The following ADAMTS13 variants were observed in gnomAD, a reference collection of about 807,000 sequenced individuals.
ADAMTS13 encodes A disintegrin and metalloproteinase with thrombospondin motifs 13.
A neutral mutation model predicts 155.1 loss-of-function variants in ADAMTS13; 110 were observed. That is an observed-to-expected ratio of 0.71 (90% CI 0.61 to 0.83). The LOEUF is 0.83. ADAMTS13 is among the 40% of genes least tolerant of loss of function. The pLI is 0.00. For missense variants in ADAMTS13, 1,707 were observed against 1,891.7 expected, an observed-to-expected ratio of 0.90 and a Z score of 1.81; for synonymous variants, 758 against 756.4, an observed-to-expected ratio of 1.00 and a Z score of -0.03.
chr9:133,437,667 C>G, intron 12 of ADAMTS13, 82 bp from the exon 13 acceptor site: 3 of 1,563,368 alleles, frequency 1.9e-6, no homozygotes, highest in Non-Finnish European at 2.6e-6. Flanking sequence ...GCCCCAGATG[C>G]AAAGGATGAA....
rs781993871 is a variant in ADAMTS13 at position 133,433,697 on chromosome 9, A to G, written c.1301A>G (p.Asn434Ser). Residue 434 changes from asparagine (N) to serine (S), a missense_variant, in exon 11 of 29, where the codon AAC becomes AGC. Coordinates refer to ENST00000355699, the MANE Select transcript of ADAMTS13 (RefSeq NM_139027.6). ...GCTGACCTCCAGGCCGAGATGTGCAACACTCAGGTAGGCCTGCTTCCTGGG... is the reference window on the plus strand; with the variant it reads ...GCTGACCTCCAGGCCGAGATGTGCAGCACTCAGGTAGGCCTGCTTCCTGGG... ...VGADLQAEMC[N>S]TQACEKTQLE... 2 of 1,613,314 alleles carry G rather than the reference A, an allele frequency of 1.2e-6. No homozygotes were observed. Among genetic ancestry groups the G allele is most frequent in the Admixed American group, 1.7e-5 (1 of 60,000 alleles).
intron 9 of ADAMTS13, 93 bp from the exon 10 acceptor site, chr9:133,433,285 T>C (rs1840910510): frequency 1.3e-6 from 2 of 1,551,904 alleles, no homozygotes; most frequent in African/African-American, 2.7e-5. Flanking sequence ...GTGTTGGGGA[T>C]CCCTGAGGAT....
At position 133,436,822 on chromosome 9, in the gene ADAMTS13, T is replaced by C. The variant is rs782393947; in HGVS notation, c.1309-7T>C. On this transcript the variant is annotated splice_polypyrimidine_tract_variant and splice_region_variant and intron_variant, in intron 11 of 28. Coordinates refer to ENST00000355699, the MANE Select transcript of ADAMTS13 (RefSeq NM_139027.6). ...GCCATCCCCCTCCTCTGCCTCCTCC[T>C]GGCCAGGCCTGCGAGAAGACCCAGC... 3 of 1,323,618 alleles carry C rather than the reference T, an allele frequency of 2.3e-6. No individual in the cohort carries two copies. The highest frequency in any genetic ancestry group is 2.3e-5 in the Admixed American group (1 of 42,644). The allele number at this position is 1,323,618 out of a possible 1,614,324, so 82.0% of individuals were successfully genotyped here.
chr9:133,448,241 G>T (rs1842202278), intron 21 of ADAMTS13, among the ~76,000 whole-genome samples: 1 of 152,124 alleles, frequency 6.6e-6, no homozygotes. Flanking sequence ...GCCGCCCAAA[G>T]TGCTGTGATT....
chr9:133,424,615 C>T lies in ADAMTS13; in HGVS notation c.330+137C>T. ...TGGCTCGGGGTTCTTCCTCTTCTCCCTCCCTCCCCTGGGTGGAGGTGGGTG... is the reference window on the plus strand; with the variant it reads ...TGGCTCGGGGTTCTTCCTCTTCTCCTTCCCTCCCCTGGGTGGAGGTGGGTG... On this transcript the variant is annotated intron_variant, in intron 3 of 28. Coordinates refer to ENST00000355699, the MANE Select transcript of ADAMTS13 (RefSeq NM_139027.6). The surrounding 1 kb of genome is among the most constrained non-coding windows in gnomAD (Gnocchi z 4.3). 7.5e-7 allele frequency: 1 copy of T among 1,326,030 alleles called. No individual in the cohort carries two copies. Among genetic ancestry groups the T allele is most frequent in the South Asian group, 1.3e-5 (1 of 76,752 alleles). The allele number at this position is 1,326,030 out of a possible 1,614,324, so 82.1% of individuals were successfully genotyped here.
At position 133,425,532 on chromosome 9, in the gene ADAMTS13, G is replaced by A. The variant is rs782188741; in HGVS notation, c.334G>A (p.Ala112Thr). The A allele has an allele frequency of 1.9e-6, 3 of 1,613,008 alleles. No individual in the cohort carries two copies. The highest frequency in any genetic ancestry group is 2.2e-5 in the East Asian group (1 of 44,854). Reference protein sequence around the residue: ...RYVLTNLNIGAELLRDPSLGA... With the variant: ...RYVLTNLNIGTELLRDPSLGA... ...TCTCTCATCTGCCCTTGCACAGGGG[G>A]CAGAACTGCTTCGGGACCCGTCCCT... Residue 112 changes from alanine (A) to threonine (T), a missense_variant, in exon 4 of 29, where the codon GCA (alanine) becomes ACA (threonine). Transcript: ENST00000355699. The surrounding 1 kb of genome is among the most constrained non-coding windows in gnomAD (Gnocchi z 4.6).
intron 8 of ADAMTS13, chr9:133,430,325 G>A (rs1840657867): frequency 1.4e-6 from 1 of 692,256 alleles, no homozygotes; most frequent in South Asian, 1.6e-5. Flanking sequence ...CACAAATTAT[G>A]TAGCTAGTCC....
Position 133,424,411 on chromosome 9 carries a change from T to C in ADAMTS13, c.263T>C (p.Val88Ala). 1.9e-6 allele frequency: 3 copies of C among 1,613,724 alleles called. No individual in the cohort carries two copies. Among genetic ancestry groups the C allele is most frequent in the Non-Finnish European group, 2.5e-6 (3 of 1,179,984 alleles). The stretch of plus-strand genomic sequence containing the variant: ...CTACACCTGGAGCTGCTGGTGGCCG[T>C]GGGCCCCGATGTCTTCCAGGCTCAC... ...GILHLELLVA[V>A]GPDVFQAHQE... Residue 88 changes from valine (V) to alanine (A), a missense_variant, in exon 3 of 29, where the codon GTG becomes GCG. Val to Ala is a moderately conservative substitution (Grantham distance 64). This residue lies in a region of ADAMTS13 where 733 missense variants were observed against 749.6 expected (regional missense o/e 0.98). Transcript: ENST00000355699. The surrounding 1 kb of genome is among the most constrained non-coding windows in gnomAD (Gnocchi z 4.3).
chr9:133,446,817 T>C (rs1385683864), intron 21 of ADAMTS13, among the ~76,000 whole-genome samples: 1 of 152,240 alleles, frequency 6.6e-6, no homozygotes, highest in Non-Finnish European at 1.5e-5. Flanking sequence ...TCCAATGTCC[T>C]CCCATCCTTG....
At chr9:133,455,708 G>A in intron 25 of ADAMTS13, 2 of 1,443,742 alleles carry the variant, frequency 1.4e-6, no homozygotes. Flanking sequence ...CCTGGGTTGT[G>A]TGCCTGGGAG....
chr9:133,428,847 G>C, intron 7 of ADAMTS13, 76 bp downstream of exon 7: 3 of 1,194,390 alleles, frequency 2.5e-6, no homozygotes, highest in Non-Finnish European at 3.1e-6. Context: ...CTCTCTCTAC[G>C]TCCGTCCCCA....
chr9:133,455,267 C>T lies in ADAMTS13; in HGVS notation c.3250-18C>T. The stretch of plus-strand genomic sequence containing the variant: ...TCTGGCAGGGTCAGCTGTGACTCCT[C>T]CTCCCCTCTCTTGGCAGTGCTCTGT... On this transcript the variant is annotated intron_variant, in intron 24 of 28. Coordinates refer to ENST00000355699, the MANE Select transcript of ADAMTS13 (RefSeq NM_139027.6). The T allele has an allele frequency of 6.2e-7, 1 of 1,600,344 alleles. No homozygotes were observed. The highest frequency in any genetic ancestry group is 1.6e-4 in the Middle Eastern group (1 of 6,062).
intron 19 of ADAMTS13, 150 bp from the exon 20 acceptor site, chr9:133,444,713 G>A: frequency 7.9e-6 from 6 of 758,202 alleles, no homozygotes; most frequent in Non-Finnish European, 1.3e-5. Flanking sequence ...TTCAGGGAGA[G>A]ACCCTGAGCT....
At chr9:133,442,255 G>A in intron 16 of ADAMTS13, 144 bp from the exon 17 acceptor site, 1 of 1,308,940 alleles carries the variant, frequency 7.6e-7, no homozygotes, top group Non-Finnish European at 1.1e-6. Context: ...ACAGGCATGA[G>A]CTACCGTGCC....
chr9:133,426,484 G>C, intron 6 of ADAMTS13, 139 bp downstream of exon 6: 1 of 1,211,706 alleles, frequency 8.3e-7, no homozygotes, highest in Non-Finnish European at 1.2e-6. Context: ...GACAGACTCA[G>C]GTGTGAGGAC....
In ADAMTS13 at chr9:133,433,656, G is replaced by T. The variant is rs782768459; in HGVS notation, c.1260G>T (p.Gly420=). 3.1e-6 allele frequency: 5 copies of T among 1,613,960 alleles called. No individual in the cohort carries two copies. In the Admixed American group the frequency reaches 6.7e-5, roughly 22 times the overall value. ...QCNNPRPAFG[G]RACVGADLQA... ...GCATTTTCAGACCTGCCTTTGGGGGGCGTGCATGTGTTGGTGCTGACCTCC... is the reference window on the plus strand; with the variant it reads ...GCATTTTCAGACCTGCCTTTGGGGGTCGTGCATGTGTTGGTGCTGACCTCC... The change falls in exon 11 of 29, where the codon GGG becomes GGT. Residue 420 remains glycine, a synonymous_variant. Transcript: ENST00000355699.
rs1840152822 is a variant in ADAMTS13, at chr9:133,424,504, A to G, written c.330+26A>G. ...GTGAGTGCCCCACGCTGGACTGTGC[A>G]GGTCCCCACGGCCAGGGCTGGTGAC... is the stretch of plus-strand genomic sequence containing the variant. On this transcript the variant is annotated intron_variant, in intron 3 of 28. Transcript: ENST00000355699. This position sits in a 1 kb window ranked among gnomAD's most constrained non-coding sequence, Gnocchi z 4.3. 6.2e-7 allele frequency: 1 copy of G among 1,601,808 alleles called. No individual in the cohort carries two copies. Among genetic ancestry groups the G allele is most frequent in the East Asian group, 2.3e-5 (1 of 44,110 alleles).
intron 12 of ADAMTS13, 129 bp from the exon 13 acceptor site, chr9:133,437,620 C>A: frequency 3.9e-6 from 4 of 1,023,550 alleles, no homozygotes; most frequent in Admixed American, 3.9e-5. Context: ...AGGATTATTG[C>A]CTTAGGAGGT....
At chr9:133,449,666 C>T (rs1564437649) in intron 22 of ADAMTS13, 117 bp from the exon 23 acceptor site, 31 of 1,216,832 alleles carry the variant, frequency 2.5e-5, no homozygotes, top group Admixed American at 9.6e-5. Flanking sequence ...AGAACCTCTC[C>T]GGGCCCTTCC....
Sources: gnomAD v4.1 joint callset for allele counts (sites outside exome capture counted in the v4.1 genomes callset) on GRCh38, gnomAD v4.1.1 for gene constraint, gnomAD v4.1.1 regional missense constraint, Gnocchi (gnomAD v3.1) non-coding constraint, MANE v1.5 for transcripts, NCBI Gene and HGNC (gene_info 2026-07-23, HGNC 2026-07-21) for gene names.